The following SGIP1 variants were observed in gnomAD, a reference collection of about 807,000 sequenced individuals.
SGIP1 encodes SH3GL interacting endocytic adaptor 1.
Under a neutral mutation model 107.5 loss-of-function variants are expected in SGIP1, and 38 were observed. That is an observed-to-expected ratio of 0.35 (90% CI 0.27 to 0.46). The LOEUF (loss-of-function observed/expected upper bound fraction) is 0.46, where lower values mean the gene tolerates loss of function less well. Among genes scored for constraint, SGIP1 ranks in the 20% least tolerant of loss-of-function variants. The probability of loss-of-function intolerance (pLI) is 1.00; values close to 1 mark genes in which losing one functional copy is unlikely to be tolerated. For missense variants in SGIP1, 929 were observed against 1,019.5 expected (o/e 0.91, Z 1.21); for synonymous variants, 365 against 366.1 (o/e 1.00, Z 0.03).
intron 1 of SGIP1, among the ~76,000 whole-genome samples, chr1:66,624,556 T>A (rs146650501): frequency 2.6e-5 from 4 of 152,314 alleles, no homozygotes; most frequent in African/African-American, 9.6e-5. Context: ...AGATTGTATT[T>A]GAGTAGTATC....
At position 66,534,198 on chromosome 1, in the gene SGIP1, C is replaced by T. The variant is rs1226950531; in HGVS notation, c.-161C>T. 1.4e-6 allele frequency: 1 copy of T among 697,996 alleles called. No homozygotes were observed. The highest frequency in any genetic ancestry group is 2.6e-6 in the Non-Finnish European group (1 of 390,980). The allele number at this position is 697,996 out of a possible 1,614,324, so 43.2% of individuals were successfully genotyped here. A position where few individuals can be genotyped will look rare whatever the true frequency, so the allele number is the denominator to read the frequency against. The stretch of plus-strand genomic sequence containing the variant: ...GTAGGTGAAGAAGCACCAGCAGCAT[C>T]CATGGCCTGTCTTTTGGCTTAACAC... On this transcript the variant is annotated 5_prime_UTR_variant, in exon 1 of 25. Coordinates refer to ENST00000371037, the MANE Select transcript of SGIP1 (RefSeq NM_032291.4).
intron 9 of SGIP1, 124 bp downstream of exon 9, chr1:66,667,665 GT>G: frequency 1.2e-6 from 1 of 845,894 alleles, no homozygotes. Context: ...GATGAAATAG[GT>G]TTACTGATTG....
chr1:66,578,981 C>A (rs6696973), intron 1 of SGIP1, among the ~76,000 whole-genome samples: 51,290 of 151,904 alleles, frequency 0.34, 9,315 homozygotes, highest in African/African-American at 0.48. Context: ...AACAGCAAGT[C>A]GAGAGAATTA....
intron 21 of SGIP1, among the ~76,000 whole-genome samples, chr1:66,736,025 C>A (rs556451762): frequency 2.0e-5 from 3 of 150,498 alleles, no homozygotes; most frequent in Admixed American, 2.0e-4. Context: ...ATTTCTCAAT[C>A]AAATGCTGGT....
At position 66,711,468 on chromosome 1, in the gene SGIP1, T is replaced by G. The variant is rs568139148; in HGVS notation, c.1631-7826T>G. ...ACTGCATTATGTATAACATATTCTATAAATTACTGTAGAATTGGGTCTCAT... is the reference window on the plus strand; with the variant it reads ...ACTGCATTATGTATAACATATTCTAGAAATTACTGTAGAATTGGGTCTCAT... On this transcript the variant is annotated intron_variant, in intron 18 of 24. Coordinates refer to ENST00000371037, the MANE Select transcript of SGIP1 (RefSeq NM_032291.4). Among the ~76,000 whole-genome samples, 8 of 152,342 alleles carry G rather than the reference T, an allele frequency of 5.3e-5. No individual in the cohort carries two copies. The South Asian group carries it at 1.7e-3, about 32-fold the overall frequency.
intron 1 of SGIP1, among the ~76,000 whole-genome samples, chr1:66,556,521 A>G (rs1832417): frequency 0.14 from 20,928 of 152,076 alleles, 1,528 homozygotes; most frequent in East Asian, 0.19. Context: ...GCGTGTGCAG[A>G]CTTGCTTCCA....
Position 66,741,373 on chromosome 1 carries a change from T to A in SGIP1, c.2401T>A (p.Cys801Ser), listed in dbSNP as rs1371020484. 6.2e-7 allele frequency: 1 copy of A among 1,611,774 alleles called. No individual in the cohort carries two copies. ...FTSEGSTLSGCDIELVGAGYR... is the reference protein window; with the variant it reads ...FTSEGSTLSGSDIELVGAGYR... ...AAGTGAAGGAAGCACCCTTTCTGGC[T>A]GTGACATTGAACTTGTTGGAGCAGG... The change falls in exon 24 of 25, where the codon TGT (cysteine) becomes AGT (serine). Residue 801 changes from cysteine to serine, a missense_variant. By Grantham distance (112) the Cys-to-Ser change is moderately radical. Transcript: ENST00000371037.
At chr1:66,611,280 GA>G (rs1326433044) in intron 1 of SGIP1, among the ~76,000 whole-genome samples, 1 of 152,236 alleles carries the variant, frequency 6.6e-6, no homozygotes, top group Non-Finnish European at 1.5e-5. Context: ...GAGGCTGAGA[GA>G]AGTATAAGTT....
chr1:66,658,065 C>A (rs1198867954), intron 7 of SGIP1, among the ~76,000 whole-genome samples: 3 of 151,930 alleles, frequency 2.0e-5, no homozygotes. Context: ...TATGCGGTAG[C>A]CTGAGGTGGA....
chr1:66,734,586 T>G (rs538659), intron 21 of SGIP1, among the ~76,000 whole-genome samples: 2 of 150,466 alleles, frequency 1.3e-5, no homozygotes, highest in South Asian at 2.1e-4. Context: ...CTCACTGCAA[T>G]GTCCACCTCC....
rs535925465 is a variant in SGIP1 at position 66,611,990 on chromosome 1, C to G, written c.11-13857C>G. On this transcript the variant is annotated intron_variant, in intron 1 of 24. Transcript: ENST00000371037. ...AAGTTGTCCTAGTCCACTTGTGTTG[C>G]TATAAGGAAATACCTGAGACTGGGT... Among the ~76,000 whole-genome samples the G allele has an allele frequency of 9.2e-5, 14 of 152,040 alleles. No individual in the cohort carries two copies. In the South Asian group the frequency reaches 2.9e-3, roughly 32 times the overall value.
rs750966965 is a variant in SGIP1, at chr1:66,625,878, A to G, written c.42A>G (p.Gly14=). The G allele has an allele frequency of 6.2e-7, 1 of 1,612,502 alleles. No homozygotes were observed. Among genetic ancestry groups the G allele is most frequent in the Non-Finnish European group, 8.5e-7 (1 of 1,179,126 alleles). ...GLKKRTRKAF[G]IRKKEKDTDS... ...AAAAACGTACAAGGAAGGCCTTTGG[A>G]ATACGGAAGAAAGAAAAGGACACTG... The change falls in exon 2 of 25, where the codon GGA becomes GGG. Residue 14 remains glycine (G), a synonymous_variant. Coordinates refer to ENST00000371037, the MANE Select transcript of SGIP1 (RefSeq NM_032291.4).
chr1:66,724,591 A>T (rs72671621), intron 19 of SGIP1, among the ~76,000 whole-genome samples: 18,740 of 152,124 alleles, frequency 0.12, 1,596 homozygotes, highest in Middle Eastern at 0.19. Flanking sequence ...CCCACCTTCT[A>T]CCCAACACTG....
At chr1:66,544,741 C>T (rs946344355) in intron 1 of SGIP1, among the ~76,000 whole-genome samples, 1 of 152,116 alleles carries the variant, frequency 6.6e-6, no homozygotes, top group Non-Finnish European at 1.5e-5. Context: ...TCTACCTGTG[C>T]ACCCACCTTT....
chr1:66,607,633 C>T (rs939566993), intron 1 of SGIP1, among the ~76,000 whole-genome samples: 6 of 152,176 alleles, frequency 3.9e-5, no homozygotes, highest in Non-Finnish European at 8.8e-5. Flanking sequence ...GGGGATTCTC[C>T]GAAAGGTCTA....
chr1:66,679,262 T>C (rs1399976304), intron 13 of SGIP1, among the ~76,000 whole-genome samples: 1 of 152,204 alleles, frequency 6.6e-6, no homozygotes, highest in Non-Finnish European at 1.5e-5. Flanking sequence ...ATTTCCGTTA[T>C]CAAACCCTCG....
chr1:66,682,791 AG>A (rs2150008277), intron 15 of SGIP1, among the ~76,000 whole-genome samples: 2 of 148,564 alleles, frequency 1.3e-5, no homozygotes, highest in East Asian at 4.1e-4. Context: ...GTGTGTATGT[AG>A]GCAAGCAGGA....
intron 1 of SGIP1, among the ~76,000 whole-genome samples, chr1:66,539,291 G>T (rs1374864206): frequency 6.6e-6 from 1 of 152,144 alleles, no homozygotes; most frequent in Non-Finnish European, 1.5e-5. Context: ...ACGGTGTGAG[G>T]CAGAGGTATT....
At chr1:66,639,896 A>G in intron 5 of SGIP1, 63 bp downstream of exon 5, 1 of 1,349,804 alleles carries the variant, frequency 7.4e-7, no homozygotes. Flanking sequence ...GAGTTGAGGC[A>G]TTCTTATAAT....
Sources: allele counts gnomAD v4.1 joint callset (sites outside exome capture counted in the v4.1 genomes callset), GRCh38; gene constraint gnomAD v4.1.1; transcripts MANE v1.5; gene names NCBI Gene and HGNC (gene_info 2026-07-23, HGNC 2026-07-21).